ADK: variants seen among roughly 807,000 people sequenced by gnomAD.
ADK encodes N6,N6-dimethyladenosine kinase.
A neutral mutation model predicts 44.7 loss-of-function variants in ADK; 24 were observed. The observed-to-expected ratio is 0.54, with a 90% CI of 0.39 to 0.76. The LOEUF (loss-of-function observed/expected upper bound fraction) is 0.76. Ranked by LOEUF, ADK falls within the 30% of genes least tolerant of loss-of-function variation. The pLI is 0.00. For missense variants in ADK, 321 were observed against 425.1 expected (o/e 0.76, Z 2.15); for synonymous variants, 128 against 142.6 (o/e 0.90, Z 0.73).
intron 6 of ADK, among the ~76,000 whole-genome samples, chr10:74,518,879 T>C (rs1253992798): frequency 6.6e-6 from 1 of 152,096 alleles, no homozygotes; most frequent in Admixed American, 6.5e-5. Flanking sequence ...ACACACTATT[T>C]GTATGTCTTC....
intron 1 of ADK, among the ~76,000 whole-genome samples, chr10:74,171,531 A>G (rs1251073561): frequency 6.6e-6 from 1 of 152,234 alleles, no homozygotes; most frequent in East Asian, 1.9e-4. Flanking sequence ...TTATAGGGCC[A>G]GACCACAAGA....
chr10:74,699,004 G>A (rs970760073), intron 10 of ADK, among the ~76,000 whole-genome samples: 37 of 148,190 alleles, frequency 2.5e-4, no homozygotes, highest in African/African-American at 9.4e-4. Context: ...ATGCCACCAC[G>A]CCCAGCTAAT....
At position 74,500,487 on chromosome 10, in the gene ADK, C is replaced by G. The variant is rs931190703; in HGVS notation, c.556-24769C>G. Among the ~76,000 whole-genome samples, 61 of 152,220 alleles carry G rather than the reference C, an allele frequency of 4.0e-4. 1 individual carries two copies. Among genetic ancestry groups the G allele is most frequent in the Non-Finnish European group, 7.6e-4 (52 of 68,044 alleles). On this transcript the variant is annotated intron_variant, in intron 6 of 10. Coordinates refer to ENST00000539909, the MANE Select transcript of ADK (RefSeq NM_006721.4). ...GTCCTACCCACACAGGTTTCTGATTCAGTAAGTCTGGGGTATGACCAAGAT... is the reference window on the plus strand; with the variant it reads ...GTCCTACCCACACAGGTTTCTGATTGAGTAAGTCTGGGGTATGACCAAGAT...
chr10:74,220,479 C>T (rs927710121), intron 2 of ADK, among the ~76,000 whole-genome samples: 1 of 151,930 alleles, frequency 6.6e-6, no homozygotes, highest in African/African-American at 2.4e-5. Flanking sequence ...GAAACTATTC[C>T]AATCAATAGA....
chr10:74,371,666 T>C (rs1311211392), intron 4 of ADK: 6 of 1,032,436 alleles, frequency 5.8e-6, no homozygotes, highest in Non-Finnish European at 9.0e-6. Flanking sequence ...GGAAAAGTGA[T>C]GGCATCCACA....
At chr10:74,176,367 TG>T in intron 1 of ADK, 1 of 771,132 alleles carries the variant, frequency 1.3e-6, no homozygotes, top group East Asian at 1.3e-4. Flanking sequence ...TTTTGCAGGC[TG>T]TTAAATCCCA....
intron 7 of ADK, among the ~76,000 whole-genome samples, chr10:74,587,699 G>A (rs944584342): frequency 2.0e-5 from 3 of 150,000 alleles, no homozygotes; most frequent in African/African-American, 7.3e-5. Context: ...TTGGAAGAAT[G>A]TGAGTTAAGA....
intron 2 of ADK, among the ~76,000 whole-genome samples, chr10:74,219,832 A>G (rs2132226345): frequency 6.6e-6 from 1 of 151,930 alleles, no homozygotes; most frequent in South Asian, 2.1e-4. Flanking sequence ...GAGAACAAAG[A>G]CACAACATAC....
At chr10:74,192,563 T>C (rs1208975348) in intron 1 of ADK, among the ~76,000 whole-genome samples, 1 of 150,954 alleles carries the variant, frequency 6.6e-6, no homozygotes, top group Non-Finnish European at 1.5e-5. Context: ...GGTTTTGCTC[T>C]CTCTGTCACT....
At chr10:74,361,158 C>T (rs368612504) in intron 4 of ADK, among the ~76,000 whole-genome samples, 162 of 152,338 alleles carry the variant, frequency 1.1e-3, no homozygotes, top group Middle Eastern at 3.4e-3. Context: ...CCCGCCTCGG[C>T]CTCCCAAAGT....
chr10:74,536,507 T>G (rs562655572), intron 7 of ADK, among the ~76,000 whole-genome samples: 1 of 152,062 alleles, frequency 6.6e-6, no homozygotes, highest in Admixed American at 6.5e-5. Context: ...AATATAAAAT[T>G]TAGACCATTT....
At chr10:74,285,359 TATAAG>T (rs768042058) in intron 3 of ADK, among the ~76,000 whole-genome samples, 2 of 152,132 alleles carry the variant, frequency 1.3e-5, no homozygotes, top group African/African-American at 4.8e-5. Context: ...TGTACAGAGA[TATAAG>T]AGAAGCATTT....
chr10:74,683,936 A>G (rs1265399901), intron 10 of ADK, among the ~76,000 whole-genome samples: 1 of 152,248 alleles, frequency 6.6e-6, no homozygotes, highest in African/African-American at 2.4e-5. Context: ...TCGATTTGTT[A>G]CCACAGCTTC....
intron 7 of ADK, among the ~76,000 whole-genome samples, chr10:74,547,187 G>A (rs1474005890): frequency 2.0e-5 from 3 of 151,886 alleles, no homozygotes; most frequent in Non-Finnish European, 4.4e-5. Context: ...AAATATATGT[G>A]CTTAACCATA....
chr10:74,456,441 G>A (rs924589924), intron 6 of ADK, among the ~76,000 whole-genome samples: 3 of 152,126 alleles, frequency 2.0e-5, no homozygotes, highest in African/African-American at 7.2e-5. Flanking sequence ...TTGAGAGGCC[G>A]AGGCGGGCGG....
chr10:74,277,698 TA>T (rs1191120802), intron 3 of ADK, among the ~76,000 whole-genome samples: 1 of 152,132 alleles, frequency 6.6e-6, no homozygotes, highest in Non-Finnish European at 1.5e-5. Context: ...CGCGCCCAGC[TA>T]AATTTCTTTT....
intron 9 of ADK, among the ~76,000 whole-genome samples, chr10:74,619,743 TG>T (rs1366401898): frequency 1.3e-5 from 2 of 152,194 alleles, no homozygotes; most frequent in African/African-American, 4.8e-5. Context: ...GAGAGGGTCT[TG>T]CTCTGTCACC....
At chr10:74,579,518 T>C (rs1042193828) in intron 7 of ADK, among the ~76,000 whole-genome samples, 2 of 152,026 alleles carry the variant, frequency 1.3e-5, no homozygotes, top group Non-Finnish European at 2.9e-5. Context: ...CACTAGACAA[T>C]ACTGGGCAGT....
chr10:74,585,839 A>G (rs760638270), intron 7 of ADK, among the ~76,000 whole-genome samples: 3 of 152,210 alleles, frequency 2.0e-5, no homozygotes, highest in African/African-American at 7.2e-5. Context: ...GGCAGCACAG[A>G]TGGGGACTTG....
Sources: allele counts gnomAD v4.1 joint callset (sites outside exome capture counted in the v4.1 genomes callset), GRCh38; gene constraint gnomAD v4.1.1; transcripts MANE v1.5; gene names NCBI Gene and HGNC (gene_info 2026-07-23, HGNC 2026-07-21).